EZR: variants seen among roughly 807,000 people sequenced by gnomAD.
EZR encodes cytovillin 2.
A neutral mutation model predicts 74.8 loss-of-function variants in EZR; 40 were observed. The ratio of observed to expected loss-of-function variants is 0.53; its 90% CI spans 0.42 to 0.70. The LOEUF (loss-of-function observed/expected upper bound fraction) is 0.70. Ranked by LOEUF, EZR falls within the 30% of genes least tolerant of loss-of-function variation. The pLI is 0.00. For missense variants in EZR, 678 were observed against 755.8 expected, an observed-to-expected ratio of 0.90 and a Z score of 1.21; for synonymous variants, 341 against 283.3, an observed-to-expected ratio of 1.20 and a Z score of -2.05.
chr6:158,774,410 T>G (rs1248313365), intron 8 of EZR, among the ~76,000 whole-genome samples: 1 of 152,088 alleles, frequency 6.6e-6, no homozygotes, highest in African/African-American at 2.4e-5. Flanking sequence ...CCAGGAAGCA[T>G]CTCAGTTGCC....
chr6:158,783,770 G>A (rs1359622845), intron 6 of EZR, 104 bp from the exon 7 acceptor site: 4 of 1,254,568 alleles, frequency 3.2e-6, no homozygotes, highest in Non-Finnish European at 2.2e-6. Flanking sequence ...GTGTAGGATG[G>A]GCTCAATGCT....
rs1385101743 is a variant in EZR, at chr6:158,766,966, T to C, written c.1709A>G (p.Gln570Arg). 6.2e-7 allele frequency: 1 copy of C among 1,614,102 alleles called. No individual in the cohort carries two copies. The highest frequency in any genetic ancestry group is 8.5e-7 in the Non-Finnish European group (1 of 1,180,046). The stretch of plus-strand genomic sequence containing the variant: ...CTGCTTGGTGTTGCCCTGCCGGATC[T>C]GCCGCAGCGTCTTGTACTTGTCCCG... ...QGRDKYKTLR[Q>R]IRQGNTKQRI... Residue 570 changes from glutamine to arginine, a missense_variant, in exon 14 of 14, where the codon CAG (glutamine) becomes CGG (arginine). Coordinates refer to ENST00000367075, the MANE Select transcript of EZR (RefSeq NM_001111077.2).
At chr6:158,801,174 G>A (rs943086292) in intron 2 of EZR, among the ~76,000 whole-genome samples, 4 of 152,136 alleles carry the variant, frequency 2.6e-5, no homozygotes, top group Non-Finnish European at 5.9e-5. Context: ...GAGTGCAGTG[G>A]CACAATCTCG....
chr6:158,779,975 G>C (rs942657972), intron 7 of EZR, among the ~76,000 whole-genome samples: 3 of 152,050 alleles, frequency 2.0e-5, no homozygotes, highest in Non-Finnish European at 4.4e-5. Flanking sequence ...TTGAGGTCAG[G>C]AGTTTGAGAC....
intron 8 of EZR, 134 bp from the exon 9 acceptor site, chr6:158,771,541 C>T (rs1791111385): frequency 1.0e-6 from 1 of 972,838 alleles, no homozygotes; most frequent in African/African-American, 1.7e-5. Context: ...CATCTCGGCA[C>T]TAGGAATGTG....
intron 7 of EZR, among the ~76,000 whole-genome samples, chr6:158,782,115 A>G (rs189223632): frequency 6.6e-6 from 1 of 152,158 alleles, no homozygotes; most frequent in African/African-American, 2.4e-5. Flanking sequence ...GAGCGAACCG[A>G]GAGTCCTCAA....
At chr6:158,778,726 G>A (rs1255991409) in intron 7 of EZR, among the ~76,000 whole-genome samples, 1 of 152,162 alleles carries the variant, frequency 6.6e-6, no homozygotes, top group African/African-American at 2.4e-5. Context: ...CAGGCAGCAA[G>A]GAAGCCTGCA....
Position 158,767,091 on chromosome 6 carries a change from G to A in EZR, c.1597-13C>T, listed in dbSNP as rs757613227. ...CGCTGCTCAGCGTCTGTAACATTAAGCAGCATTGGTCTAGTCCCTTCCTCC... is the reference window on the plus strand; with the variant it reads ...CGCTGCTCAGCGTCTGTAACATTAAACAGCATTGGTCTAGTCCCTTCCTCC... On this transcript the variant is annotated splice_polypyrimidine_tract_variant and intron_variant, in intron 13 of 13. Coordinates refer to ENST00000367075, the MANE Select transcript of EZR (RefSeq NM_001111077.2). 5 of 1,614,026 alleles carry A rather than the reference G, an allele frequency of 3.1e-6. No individual in the cohort carries two copies. Among genetic ancestry groups the A allele is most frequent in the Admixed American group, 1.7e-5 (1 of 60,006 alleles).
rs143754305 is a variant in EZR, at chr6:158,769,519, G to A, written c.1252-101C>T. On this transcript the variant is annotated intron_variant, in intron 11 of 13. Transcript: ENST00000367075. The stretch of plus-strand genomic sequence containing the variant: ...TGTGTTGGCAAGCAGTCTCCAACGT[G>A]ACACCTGAGTCCCCGCCACCCCCAC... 1.1e-4 allele frequency: 130 copies of A among 1,219,450 alleles called. No homozygotes were observed. In the African/African-American group the frequency reaches 1.8e-3, roughly 17 times the overall value. 75.5% of individuals were successfully genotyped at this position (1,219,450 alleles called of 1,614,324 possible).
Position 158,776,971 on chromosome 6 carries a change from A to T in EZR, c.699-467T>A, listed in dbSNP as rs1348822386. On this transcript the variant is annotated intron_variant, in intron 7 of 13. Coordinates refer to ENST00000367075, the MANE Select transcript of EZR (RefSeq NM_001111077.2). Reference sequence around the variant, plus strand: ...TAATTTCCTCTCCTCCCATGTCAACACAGTCCTTAACTCAGCATCCAAGAG... The same window carrying T: ...TAATTTCCTCTCCTCCCATGTCAACTCAGTCCTTAACTCAGCATCCAAGAG... 2.6e-5 allele frequency among the ~76,000 whole-genome samples: 4 copies of T among 152,202 alleles called. No individual in the cohort carries two copies. In the East Asian group the frequency reaches 7.7e-4, roughly 29 times the overall value.
chr6:158,766,855 T>A lies in EZR; in HGVS notation c.*59A>T, dbSNP rs1013688860. On this transcript the variant is annotated 3_prime_UTR_variant, in exon 14 of 14. Transcript: ENST00000367075. Reference sequence around the variant, plus strand: ...ACTTGGAGCACTAAAGACACAAGCGTGGCGGGGCTGGCAGCGCCCGCTATG... The same window carrying A: ...ACTTGGAGCACTAAAGACACAAGCGAGGCGGGGCTGGCAGCGCCCGCTATG... The A allele has an allele frequency of 1.2e-5, 18 of 1,513,992 alleles. No homozygotes were observed. The highest frequency in any genetic ancestry group is 1.9e-4 in the Middle Eastern group (1 of 5,186). 93.8% of individuals were successfully genotyped at this position (1,513,992 alleles called of 1,614,324 possible).
intron 8 of EZR, among the ~76,000 whole-genome samples, chr6:158,773,616 C>T (rs1791184787): frequency 6.6e-6 from 1 of 152,214 alleles, no homozygotes; most frequent in Admixed American, 6.5e-5. Context: ...AAAAGAGCCC[C>T]TTTTCAAGTC....
chr6:158,770,316 T>C (rs1791062354), intron 10 of EZR, among the ~76,000 whole-genome samples: 1 of 152,200 alleles, frequency 6.6e-6, no homozygotes, highest in African/African-American at 2.4e-5. Context: ...ACAGCATCTG[T>C]GGCGCCTTGT....
At chr6:158,801,536 C>T (rs976149105) in intron 2 of EZR, among the ~76,000 whole-genome samples, 6 of 152,236 alleles carry the variant, frequency 3.9e-5, no homozygotes, top group African/African-American at 4.8e-5. Flanking sequence ...TTTCAGTGCG[C>T]CATTTTATCT....
intron 2 of EZR, 153 bp from the exon 3 acceptor site, chr6:158,789,524 G>A: frequency 1.3e-6 from 1 of 778,228 alleles, no homozygotes; most frequent in Non-Finnish European, 2.3e-6. Flanking sequence ...CACCACTCCT[G>A]ACTGCAGATG....
intron 7 of EZR, among the ~76,000 whole-genome samples, chr6:158,779,570 A>G (rs1393977042): frequency 1.3e-5 from 2 of 152,244 alleles, no homozygotes; most frequent in South Asian, 2.1e-4. Context: ...AATAATATAT[A>G]TATTTTAAAT....
chr6:158,789,615 T>C, intron 2 of EZR: 1 of 607,816 alleles, frequency 1.6e-6, no homozygotes, highest in South Asian at 1.4e-5. Flanking sequence ...CACTTAGGTC[T>C]AAGCAGTTTT....
chr6:158,800,210 A>C (rs1777160791), intron 2 of EZR, among the ~76,000 whole-genome samples: 1 of 152,154 alleles, frequency 6.6e-6, no homozygotes, highest in African/African-American at 2.4e-5. Flanking sequence ...TGGTCCTTAA[A>C]ATATTATTTT....
rs549426818 is a variant in EZR, at chr6:158,768,789, A to G, written c.1344+537T>C. 1.4e-4 allele frequency among the ~76,000 whole-genome samples: 22 copies of G among 152,252 alleles called. No homozygotes were observed. In the South Asian group the frequency reaches 4.6e-3, roughly 32 times the overall value. The stretch of plus-strand genomic sequence containing the variant: ...GAGTTGGGTATTGCCCCCATTCTAC[A>G]ATGAGGAAAATGAGGCTTGAAGAAG... On this transcript the variant is annotated intron_variant, in intron 12 of 13. Transcript: ENST00000367075.
Sources: gnomAD v4.1 joint callset for allele counts (sites outside exome capture counted in the v4.1 genomes callset) on GRCh38, gnomAD v4.1.1 for gene constraint, MANE v1.5 for transcripts, NCBI Gene and HGNC (gene_info 2026-07-23, HGNC 2026-07-21) for gene names.